The following IDO2 variants were observed in gnomAD, a reference collection of about 807,000 sequenced individuals.
The protein encoded by IDO2 is indoleamine 2,3-dioxygenase-like 1 protein.
In IDO2, 46 loss-of-function variants were observed where a neutral mutation model predicts 45.1. The ratio of observed to expected loss-of-function variants is 1.02; its 90% CI spans 0.80 to 1.30. The LOEUF is 1.30. Among genes scored for constraint, IDO2 ranks in the 50% most tolerant of loss-of-function variants. The probability of loss-of-function intolerance (pLI) is 0.00; values close to 1 mark genes in which losing one functional copy is unlikely to be tolerated. For synonymous variants in IDO2, 218 were observed against 184.9 expected (o/e 1.18, Z -1.45); for missense variants, 544 against 491.8 (o/e 1.11, Z -1.00).
intron 2 of IDO2, among the ~76,000 whole-genome samples, chr8:39,958,354 C>T (rs1585400449): frequency 6.7e-6 from 1 of 149,108 alleles, no homozygotes; most frequent in African/African-American, 2.5e-5. Context: ...CCGCCTCAGC[C>T]TCCCGAACAG....
chr8:40,015,563 G>T (rs753081734), exon 11 of IDO2: 1 of 1,613,792 alleles, frequency 6.2e-7, no homozygotes, highest in South Asian at 1.1e-5. Context: ...AGAGTGTCAG[G>T]GATAAGACCT....
intron 3 of IDO2, among the ~76,000 whole-genome samples, chr8:39,965,899 ACTTCTATG>A (rs1808077716): frequency 2.2e-4 from 2 of 9,160 alleles, no homozygotes; most frequent in Non-Finnish European, 1.6e-3. Flanking sequence ...TTAATTTGGG[ACTTCTATG>A]ACTTCTATCT....
chr8:40,007,112 T>C (rs1563442216), intron 9 of IDO2, among the ~76,000 whole-genome samples: 1 of 151,668 alleles, frequency 6.6e-6, no homozygotes. Flanking sequence ...AAATGAAAGG[T>C]GGAGGCAATG....
At chr8:39,972,586 G>C in intron 3 of IDO2, among the ~76,000 whole-genome samples, 1 of 111,096 alleles carries the variant, frequency 9.0e-6, no homozygotes, top group South Asian at 3.1e-4. Context: ...CTCCAGCCCG[G>C]GTAACAGAGC....
intron 2 of IDO2, among the ~76,000 whole-genome samples, chr8:39,955,867 A>G (rs1807884174): frequency 1.3e-5 from 2 of 152,192 alleles, no homozygotes; most frequent in Admixed American, 6.5e-5. Flanking sequence ...ATGTTCTAAC[A>G]TTAAAACGTA....
chr8:40,014,139 G>T (rs1254117626), intron 10 of IDO2, among the ~76,000 whole-genome samples: 1 of 152,126 alleles, frequency 6.6e-6, no homozygotes, highest in African/African-American at 2.4e-5. Context: ...TACCAGCAGA[G>T]GGATCTATCA....
chr8:40,014,390 A>G (rs920077516), intron 10 of IDO2, among the ~76,000 whole-genome samples: 2 of 152,212 alleles, frequency 1.3e-5, no homozygotes, highest in African/African-American at 4.8e-5. Flanking sequence ...TAAACCCATA[A>G]CGAATTTCCT....
chr8:39,955,168 A>T (rs2129593549), intron 2 of IDO2, among the ~76,000 whole-genome samples: 1 of 150,098 alleles, frequency 6.7e-6, no homozygotes, highest in Admixed American at 6.8e-5. Context: ...AGGCCAGGAA[A>T]AAATATTCTG....
chr8:39,956,059 CTTTTT>C (rs34663844), intron 2 of IDO2, among the ~76,000 whole-genome samples: 3 of 131,430 alleles, frequency 2.3e-5, no homozygotes, highest in Non-Finnish European at 1.6e-5. Flanking sequence ...CATTAGATGA[CTTTTT>C]TTTTTTTTTT....
chr8:39,977,476 T>C (rs897501307), intron 3 of IDO2, among the ~76,000 whole-genome samples: 9 of 152,344 alleles, frequency 5.9e-5, no homozygotes, highest in African/African-American at 1.4e-4. Flanking sequence ...AAGTTTGAGT[T>C]TGAGACTAAC....
intron 1 of IDO2, among the ~76,000 whole-genome samples, chr8:39,939,772 T>C (rs1338135455): frequency 2.7e-5 from 4 of 150,838 alleles, no homozygotes; most frequent in Admixed American, 6.6e-5. Flanking sequence ...AATGTCCCCA[T>C]TGAATTTAGG....
chr8:40,011,148 C>G (rs112938507), intron 9 of IDO2, among the ~76,000 whole-genome samples: 3 of 152,098 alleles, frequency 2.0e-5, no homozygotes, highest in Non-Finnish European at 1.5e-5. Flanking sequence ...TGACCTCAAT[C>G]GATCTCCCCG....
In IDO2 at chr8:39,935,081, T is replaced by G; in HGVS notation, c.-155T>G. 3.3e-6 allele frequency: 3 copies of G among 918,510 alleles called. No individual in the cohort carries two copies. The highest frequency in any genetic ancestry group is 5.5e-6 in the Non-Finnish European group (3 of 546,182). The allele number at this position is 918,510 out of a possible 1,614,324, so 56.9% of individuals were successfully genotyped here. ...AATATTTTAAAGACAAGGATTGGAT[T>G]AGATTTGACATTAGAAATGTACCAT... On this transcript the variant is annotated 5_prime_UTR_variant, in exon 1 of 11. It adds an upstream start codon to the 5' untranslated region. Coordinates refer to ENST00000502986, the Ensembl canonical transcript of IDO2.
chr8:40,004,487 G>A (rs1802185121), intron 8 of IDO2, among the ~76,000 whole-genome samples: 1 of 151,690 alleles, frequency 6.6e-6, no homozygotes, highest in African/African-American at 2.4e-5. Flanking sequence ...TTGTTATTTA[G>A]GCCTCACATA....
At chr8:39,938,011 C>T (rs923602860) in intron 1 of IDO2, among the ~76,000 whole-genome samples, 1 of 151,964 alleles carries the variant, frequency 6.6e-6, no homozygotes, top group Non-Finnish European at 1.5e-5. Context: ...TTTTATTTGT[C>T]CTTTTATTGT....
intron 3 of IDO2, among the ~76,000 whole-genome samples, chr8:39,967,097 T>C (rs762894871): frequency 6.6e-6 from 1 of 152,130 alleles, no homozygotes; most frequent in Non-Finnish European, 1.5e-5. Flanking sequence ...ATATATATAG[T>C]GACTTAGGGA....
chr8:39,973,776 C>A (rs1808216937), intron 3 of IDO2, among the ~76,000 whole-genome samples: 2 of 147,410 alleles, frequency 1.4e-5, no homozygotes, highest in South Asian at 4.2e-4. Context: ...GAGTCTTGCT[C>A]TGTCTCCTAG....
In IDO2 at chr8:39,979,058, C is replaced by G. The variant is rs1243308345; in HGVS notation, c.196-9C>G. Reference sequence around the variant, plus strand: ...CCTCCTCTGACGGCATTTGGACTTTCATGAACAGATGCCCCTGCTGAGCTG... The same window carrying G: ...CCTCCTCTGACGGCATTTGGACTTTGATGAACAGATGCCCCTGCTGAGCTG... On this transcript the variant is annotated splice_polypyrimidine_tract_variant and intron_variant, in intron 3 of 10. Transcript: ENST00000502986. 2 of 1,571,418 alleles carry G rather than the reference C, an allele frequency of 1.3e-6. No individual in the cohort carries two copies. Among genetic ancestry groups the G allele is most frequent in the South Asian group, 2.3e-5 (2 of 85,188 alleles).
intron 9 of IDO2, among the ~76,000 whole-genome samples, chr8:40,010,477 A>G (rs1361434868): frequency 6.6e-6 from 1 of 152,238 alleles, no homozygotes; most frequent in East Asian, 1.9e-4. Context: ...ATCTGCCTTC[A>G]GTTGCAAATC....
Sources: gnomAD v4.1 joint callset for allele counts (sites outside exome capture counted in the v4.1 genomes callset) on GRCh38, gnomAD v4.1.1 for gene constraint, MANE v1.5 for transcripts, NCBI Gene and HGNC (gene_info 2026-07-23, HGNC 2026-07-21) for gene names.